The following AGRN variants were observed in gnomAD, a reference collection of about 807,000 sequenced individuals.
AGRN encodes the protein agrin, also known as agrin proteoglycan.
AGRN carries 106 observed loss-of-function variants against 211.0 expected under a neutral mutation model. That is an observed-to-expected ratio of 0.50 (90% CI 0.43 to 0.59). The LOEUF is 0.59. AGRN is among the 20% of genes least tolerant of loss of function. The pLI, the probability that AGRN is intolerant of heterozygous loss-of-function variation, is 0.00. For synonymous variants in AGRN, 1,525 were observed against 1,332.5 expected, an observed-to-expected ratio of 1.14 and a Z score of -3.15; for missense variants, 3,040 against 2,982.6, an observed-to-expected ratio of 1.02 and a Z score of -0.45.
chr1:1,039,884 A>G (rs1394621124), intron 3 of AGRN, among the ~76,000 whole-genome samples: 1 of 151,152 alleles, frequency 6.6e-6, no homozygotes, highest in Non-Finnish European at 1.5e-5. Flanking sequence ...AGAAGGGCAC[A>G]GGCCTGCCGC....
chr1:1,048,193 C>T lies in AGRN; in HGVS notation c.3933C>T (p.Pro1311=), dbSNP rs1163975598. The change falls in exon 23 of 36, where the codon CCC becomes CCT. Residue 1311 remains proline, a synonymous_variant. Transcript: ENST00000379370. The surrounding 1 kb of genome is among the most constrained non-coding windows in gnomAD (Gnocchi z 5.9). ...CAGCCCCCACCACACGTCGGCCCCC[C>T]ACCACTGCCCCCAGCCGTGTGCCCG... ...TTAAPTTRRP[P]TTAPSRVPGR... 6 of 1,566,442 alleles carry T rather than the reference C, an allele frequency of 3.8e-6. No homozygotes were observed. The highest frequency in any genetic ancestry group is 3.5e-5 in the South Asian group (3 of 85,906).
intron 2 of AGRN, among the ~76,000 whole-genome samples, chr1:1,033,349 ACACT>A (rs1644715613): frequency 6.6e-6 from 1 of 151,604 alleles, no homozygotes; most frequent in African/African-American, 2.4e-5. Context: ...GCGGGCGCAG[ACACT>A]CGCGGGCACA....
In AGRN at chr1:1,041,494, C is replaced by G. The variant is rs1273856258; in HGVS notation, c.969C>G (p.Ala323=). The part of the protein sequence containing the change: ...FDGPCDPCQG[A]LPDPSRSCRV... The stretch of plus-strand genomic sequence containing the variant: ...GACCCCCAGACCCCTGTCAGGGCGC[C>G]CTCCCTGACCCGAGCCGCAGCTGCC... Residue 323 remains alanine (A), a synonymous_variant, in exon 6 of 36, where the codon GCC becomes GCG. Coordinates refer to ENST00000379370, the MANE Select transcript of AGRN (RefSeq NM_198576.4). The G allele has an allele frequency of 6.3e-7, 1 of 1,596,178 alleles. No individual in the cohort carries two copies. Among genetic ancestry groups the G allele is most frequent in the Non-Finnish European group, 8.5e-7 (1 of 1,177,578 alleles).
chr1:1,022,654 T>C (rs902077468), intron 2 of AGRN, among the ~76,000 whole-genome samples, 192 bp downstream of exon 2: 2 of 152,108 alleles, frequency 1.3e-5, no homozygotes, highest in African/African-American at 4.8e-5. Context: ...AGCCCTCACA[T>C]TAGACATCTT....
In AGRN at chr1:1,050,297, G is replaced by A; in HGVS notation, c.4944G>A (p.Leu1648=). The A allele has an allele frequency of 6.2e-7, 1 of 1,613,056 alleles. No homozygotes were observed. The highest frequency in any genetic ancestry group is 1.3e-5 in the African/African-American group (1 of 74,972). Reference sequence around the variant, plus strand: ...TCAACGGCTTCTCCCACCTGGAGCTGAGAGGCCTGCACACCTTTGCACGGG... The same window carrying A: ...TCAACGGCTTCTCCCACCTGGAGCTAAGAGGCCTGCACACCTTTGCACGGG... ...ADFNGFSHLE[L]RGLHTFARDL... The change falls in exon 28 of 36, where the codon CTG becomes CTA. Residue 1648 remains leucine, a synonymous_variant. Coordinates refer to ENST00000379370, the MANE Select transcript of AGRN (RefSeq NM_198576.4).
At chr1:1,047,483 C>T (rs1465507441) in intron 20 of AGRN, 29 bp downstream of exon 20, 26 of 1,612,800 alleles carry the variant, frequency 1.6e-5, no homozygotes, top group Non-Finnish European at 2.2e-5. Context: ...CCCCACCTAC[C>T]CACTGGCCTT....
Position 1,044,316 on chromosome 1 carries a change from A to G in AGRN, c.2149-18A>G, listed in dbSNP as rs772875015. 4.0e-5 allele frequency: 64 copies of G among 1,612,466 alleles called. No individual in the cohort carries two copies. The highest frequency in any genetic ancestry group is 3.0e-5 in the Non-Finnish European group (35 of 1,179,794). ...CGGGGACGGGGCTGCGGCCGCTCAC[A>G]CTGACACCACCCTCCAGGTGTGCGG... is the stretch of plus-strand genomic sequence containing the variant. On this transcript the variant is annotated intron_variant, in intron 11 of 35. Transcript: ENST00000379370.
chr1:1,041,027 G>A (rs1291231529), intron 4 of AGRN, 146 bp from the exon 5 acceptor site: 3 of 492,840 alleles, frequency 6.1e-6, no homozygotes, highest in Admixed American at 5.9e-5. Flanking sequence ...CCTGGGGGGC[G>A]GAGCGGGGCG....
intron 3 of AGRN, among the ~76,000 whole-genome samples, chr1:1,037,747 A>C (rs943887343): frequency 6.6e-6 from 1 of 152,186 alleles, no homozygotes; most frequent in Non-Finnish European, 1.5e-5. Flanking sequence ...ACCGGAGCAC[A>C]GATGTGTCTG....
Position 1,043,918 on chromosome 1 carries a change from T to C in AGRN, c.1894T>C (p.Cys632Arg). The C allele has an allele frequency of 6.2e-7, 1 of 1,610,196 alleles. No individual in the cohort carries two copies. The highest frequency in any genetic ancestry group is 8.5e-7 in the Non-Finnish European group (1 of 1,179,674). Residue 632 changes from cysteine to arginine, a missense_variant, in exon 10 of 36, where the codon TGT (cysteine) becomes CGT (arginine). By Grantham distance (180) the Cys-to-Arg change is radical. Transcript: ENST00000379370. Reference sequence around the variant, plus strand: ...TGAGCACCCCCCGCCCGGCCCCGTGTGTGGCAGCGACGGTGTCACCTACGG... The same window carrying C: ...TGAGCACCCCCCGCCCGGCCCCGTGCGTGGCAGCGACGGTGTCACCTACGG... Reference protein sequence around the residue: ...RCEHPPPGPVCGSDGVTYGSA... With the variant: ...RCEHPPPGPVRGSDGVTYGSA...
rs759874473 is a variant in AGRN, at chr1:1,049,401, C to T, written c.4464C>T (p.Asn1488=). 2.5e-6 allele frequency: 4 copies of T among 1,599,074 alleles called. No homozygotes were observed. The highest frequency in any genetic ancestry group is 1.7e-4 in the Middle Eastern group (1 of 6,060). The change falls in exon 25 of 36, where the codon AAC becomes AAT. Residue 1488 remains asparagine (N), a synonymous_variant. Transcript: ENST00000379370. The part of the protein sequence containing the change: ...GESPSGTDGL[N]LDTDLFVGGV... ...GTCCCAGTGGCACCGACGGCCTCAACCTGGACACAGACCTCTTTGTGGGCG... is the reference window on the plus strand; with the variant it reads ...GTCCCAGTGGCACCGACGGCCTCAATCTGGACACAGACCTCTTTGTGGGCG...
At chr1:1,049,166 G>A (rs553912438) in intron 24 of AGRN, 70 bp from the exon 25 acceptor site, 18 of 1,341,148 alleles carry the variant, frequency 1.3e-5, no homozygotes, top group Admixed American at 2.5e-5. Context: ...GGACGGGGGC[G>A]GGGCAGCTCA....
Position 1,048,094 on chromosome 1 carries a change from C to A in AGRN, c.3834C>A (p.Arg1278=). Residue 1278 remains arginine (R), a synonymous_variant, in exon 23 of 36, where the codon CGC becomes CGA. Coordinates refer to ENST00000379370, the MANE Select transcript of AGRN (RefSeq NM_198576.4). This position sits in a 1 kb window ranked among gnomAD's most constrained non-coding sequence, Gnocchi z 5.9. Reference sequence around the variant, plus strand: ...CGGCCAGAGCCACCACTGCATCGCGCCTGCCGTCCTCTGCTGTGACCCCTC... The same window carrying A: ...CGGCCAGAGCCACCACTGCATCGCGACTGCCGTCCTCTGCTGTGACCCCTC... ...GATARATTAS[R]LPSSAVTPRA... The A allele has an allele frequency of 6.4e-7, 1 of 1,572,680 alleles. No homozygotes were observed. Among genetic ancestry groups the A allele is most frequent in the East Asian group, 2.3e-5 (1 of 42,760 alleles).
chr1:1,049,826 G>C, intron 26 of AGRN, 31 bp downstream of exon 26: 2 of 1,608,980 alleles, frequency 1.2e-6, no homozygotes, highest in African/African-American at 1.3e-5. Flanking sequence ...GGTGGGAGTG[G>C]GACCCCGGGG....
At chr1:1,035,378 C>T in intron 3 of AGRN, 54 bp downstream of exon 3, 1 of 1,601,820 alleles carries the variant, frequency 6.2e-7, no homozygotes, top group South Asian at 1.1e-5. Flanking sequence ...TCTTGGGAGT[C>T]AGGGGCCATT....
At chr1:1,023,343 TG>T (rs1644452621) in intron 2 of AGRN, among the ~76,000 whole-genome samples, 1 of 152,156 alleles carries the variant, frequency 6.6e-6, no homozygotes. Flanking sequence ...TGTGCATGCC[TG>T]GGGGCTATGC....
At chr1:1,039,411 T>TGGGGG (rs36095704) in intron 3 of AGRN, among the ~76,000 whole-genome samples, 12 of 148,526 alleles carry the variant, frequency 8.1e-5, no homozygotes, top group East Asian at 4.0e-4. Flanking sequence ...TCCTTGGAGA[T>TGGGGG]GGGGGGGGTT....
Position 1,048,659 on chromosome 1 carries a change from C to T in AGRN, c.4106-208C>T, listed in dbSNP as rs1339772053. On this transcript the variant is annotated intron_variant, in intron 23 of 35. Coordinates refer to ENST00000379370, the MANE Select transcript of AGRN (RefSeq NM_198576.4). The surrounding 1 kb of genome is among the most constrained non-coding windows in gnomAD (Gnocchi z 5.9). ...GTGGTGGGCGCCTGTAATCCCACCT[C>T]GTGAGGCTGAGGCAGGAGAATCGCT... 2.3e-5 allele frequency: 15 copies of T among 650,630 alleles called. 1 individual carries two copies. Among genetic ancestry groups the T allele is most frequent in the South Asian group, 1.2e-4 (6 of 48,212 alleles). 40.3% of individuals were successfully genotyped at this position (650,630 alleles called of 1,614,324 possible).
intron 3 of AGRN, among the ~76,000 whole-genome samples, chr1:1,039,411 TG>T (rs36095704): frequency 6.7e-6 from 1 of 148,436 alleles, no homozygotes; most frequent in African/African-American, 2.5e-5. Flanking sequence ...TCCTTGGAGA[TG>T]GGGGGGGTTC....
Sources: gnomAD v4.1 joint callset for allele counts (sites outside exome capture counted in the v4.1 genomes callset) on GRCh38, gnomAD v4.1.1 for gene constraint, Gnocchi (gnomAD v3.1) non-coding constraint, MANE v1.5 for transcripts, NCBI Gene and HGNC (gene_info 2026-07-23, HGNC 2026-07-21) for gene names.